Variants in SPARCL1 observed in about 807,000 individuals in gnomAD.
SPARCL1 encodes the protein SPARC-like protein 1.
A neutral mutation model predicts 67.1 loss-of-function variants in SPARCL1; 52 were observed. That is an observed-to-expected ratio of 0.78 (90% CI 0.62 to 0.98). SPARCL1 has a LOEUF of 0.98. Ranked by LOEUF, SPARCL1 falls within the 50% of genes least tolerant of loss-of-function variation. The probability of loss-of-function intolerance (pLI) is 0.00; values close to 1 mark genes in which losing one functional copy is unlikely to be tolerated. For missense variants in SPARCL1, 717 were observed against 782.4 expected (o/e 0.92, Z 1.00); for synonymous variants, 226 against 267.8 (o/e 0.84, Z 1.52).
At chr4:87,492,229 C>T (rs1055652558) in intron 4 of SPARCL1, among the ~76,000 whole-genome samples, 1 of 152,042 alleles carries the variant, frequency 6.6e-6, no homozygotes, top group Non-Finnish European at 1.5e-5. Context: ...ACCAGCCTGA[C>T]CAACAAGGTG....
intron 10 of SPARCL1, among the ~76,000 whole-genome samples, chr4:87,478,363 A>G (rs1304618375): frequency 2.0e-5 from 3 of 152,088 alleles, no homozygotes; most frequent in African/African-American, 4.8e-5. Flanking sequence ...ATTACCTCAC[A>G]TACTATCATT....
intron 1 of SPARCL1, among the ~76,000 whole-genome samples, chr4:87,522,329 A>G (rs1322640933): frequency 1.3e-5 from 2 of 151,692 alleles, no homozygotes; most frequent in African/African-American, 4.9e-5. Flanking sequence ...TGAACCTACC[A>G]CCATAAGAGT....
intron 4 of SPARCL1, 147 bp downstream of exon 4, chr4:87,493,435 T>C (rs1223118971): frequency 4.6e-6 from 3 of 648,804 alleles, no homozygotes; most frequent in Middle Eastern, 4.5e-4. Flanking sequence ...ATGATAGAGA[T>C]AGACCTAAAA....
At chr4:87,526,264 GA>G (rs1726037952) in intron 1 of SPARCL1, among the ~76,000 whole-genome samples, 3 of 152,182 alleles carry the variant, frequency 2.0e-5, no homozygotes, top group Admixed American at 6.5e-5. Flanking sequence ...CCCACCAGGG[GA>G]AAATAGTAGT....
At position 87,500,823 on chromosome 4, in the gene SPARCL1, TTCC is replaced by T. The variant is rs576531019; in HGVS notation, c.-11-1241_-11-1239del. ...ATACGCGCGCACGCACACACTTCTC[TTCC>T]TCCTTTCTCTTCCTAAAATAATTTT... On this transcript the variant is annotated intron_variant, in intron 1 of 10. Transcript: ENST00000282470. 6.0e-4 allele frequency among the ~76,000 whole-genome samples: 92 copies of T among 152,264 alleles called. 1 individual carries two copies. The South Asian group carries it at 0.018, about 31-fold the overall frequency.
At chr4:87,509,449 A>G (rs1008714248) in intron 1 of SPARCL1, among the ~76,000 whole-genome samples, 1 of 152,160 alleles carries the variant, frequency 6.6e-6, no homozygotes, top group African/African-American at 2.4e-5. Context: ...GTTCTTAACT[A>G]CTGTATAGAG....
At chr4:87,474,967 C>T (rs373921524) in intron 10 of SPARCL1, among the ~76,000 whole-genome samples, 13 of 152,088 alleles carry the variant, frequency 8.5e-5, no homozygotes, top group African/African-American at 2.4e-4. Flanking sequence ...TGGTCTCGAT[C>T]TCTTGAACTC....
At chr4:87,491,578 C>T (rs768627238) in intron 5 of SPARCL1, 40 bp downstream of exon 5, 3 of 1,519,064 alleles carry the variant, frequency 2.0e-6, no homozygotes, top group Non-Finnish European at 2.7e-6. Flanking sequence ...CCATTTCTTC[C>T]TTGATATAGT....
chr4:87,522,464 G>A (rs1052929471), intron 1 of SPARCL1, among the ~76,000 whole-genome samples: 12 of 151,888 alleles, frequency 7.9e-5, no homozygotes, highest in African/African-American at 2.9e-4. Context: ...AGTGCTCAGG[G>A]AAGGGAGTAT....
chr4:87,488,645 T>G (rs572134089), intron 7 of SPARCL1, among the ~76,000 whole-genome samples: 62 of 152,306 alleles, frequency 4.1e-4, no homozygotes, highest in African/African-American at 1.5e-3. Context: ...TGCTGCTCTC[T>G]TCAGAGCTGG....
chr4:87,484,503 AAGTT>A (rs1179254718), intron 7 of SPARCL1, among the ~76,000 whole-genome samples: 1 of 152,138 alleles, frequency 6.6e-6, no homozygotes, highest in Admixed American at 6.5e-5. Context: ...GTATAGTTTG[AAGTT>A]AGTTAGCGTG....
intron 4 of SPARCL1, among the ~76,000 whole-genome samples, chr4:87,492,417 C>T (rs961780140): frequency 1.3e-5 from 1 of 75,240 alleles, no homozygotes; most frequent in Non-Finnish European, 3.3e-5. Context: ...GACTCCGTCT[C>T]AAAAAAAAAA....
At chr4:87,525,641 T>C (rs1163781259) in intron 1 of SPARCL1, among the ~76,000 whole-genome samples, 1 of 152,224 alleles carries the variant, frequency 6.6e-6, no homozygotes, top group African/African-American at 2.4e-5. Context: ...AGCTCTCTTG[T>C]TGATTTTTAA....
chr4:87,503,458 T>A (rs995875834), intron 1 of SPARCL1, among the ~76,000 whole-genome samples: 2 of 152,230 alleles, frequency 1.3e-5, no homozygotes. Context: ...ACTGTGAGTC[T>A]ATATTATTAC....
At chr4:87,494,686 T>G in intron 3 of SPARCL1, 88 bp from the exon 4 acceptor site, 1 of 1,073,448 alleles carries the variant, frequency 9.3e-7, no homozygotes, top group Non-Finnish European at 1.3e-6. Flanking sequence ...CATTATTCTT[T>G]TTCTTCACAC....
chr4:87,501,270 C>A (rs1017564436), intron 1 of SPARCL1, among the ~76,000 whole-genome samples: 1 of 152,122 alleles, frequency 6.6e-6, no homozygotes, highest in Non-Finnish European at 1.5e-5. Flanking sequence ...GGGGTCACCA[C>A]GCCCTGGTAA....
chr4:87,491,732 A>G, intron 4 of SPARCL1, 42 bp from the exon 5 acceptor site: 1 of 1,322,440 alleles, frequency 7.6e-7, no homozygotes, highest in South Asian at 1.2e-5. Flanking sequence ...TACTAAGAGG[A>G]GAGCCATTAC....
intron 4 of SPARCL1, among the ~76,000 whole-genome samples, chr4:87,492,705 C>A (rs1056299258): frequency 7.2e-5 from 11 of 152,128 alleles, no homozygotes; most frequent in Non-Finnish European, 1.6e-4. Flanking sequence ...AAAACTCCTA[C>A]GTTAGAGTGG....
chr4:87,503,591 TATC>T (rs1293524063), intron 1 of SPARCL1, among the ~76,000 whole-genome samples: 2 of 152,102 alleles, frequency 1.3e-5, no homozygotes, highest in African/African-American at 4.8e-5. Context: ...CCTCTGTCAT[TATC>T]ATCATCATTT....
Sources: allele counts gnomAD v4.1 joint callset (sites outside exome capture counted in the v4.1 genomes callset), GRCh38; gene constraint gnomAD v4.1.1; transcripts MANE v1.5; gene names NCBI Gene and HGNC (gene_info 2026-07-23, HGNC 2026-07-21).